Variants in PKHD1L1 observed in about 807,000 individuals in gnomAD.
PKHD1L1 encodes PKHD1 like 1.
A neutral mutation model predicts 462.9 loss-of-function variants in PKHD1L1; 434 were observed. That is an observed-to-expected ratio of 0.94 (90% CI 0.87 to 1.02). The LOEUF is 1.02. PKHD1L1 is among the 50% of genes least tolerant of loss of function. The pLI is 0.00. For synonymous variants in PKHD1L1, 1,781 were observed against 1,750.0 expected (o/e 1.02, Z -0.44); for missense variants, 5,202 against 5,096.1 (o/e 1.02, Z -0.63).
chr8:109,420,393 A>G, intron 22 of PKHD1L1, 125 bp from the exon 23 acceptor site: 1 of 550,196 alleles, frequency 1.8e-6, no homozygotes, highest in Non-Finnish European at 3.0e-6. Context: ...TGTTGATATT[A>G]TTTGATGATT....
chr8:109,526,725 G>T (rs1457295), intron 76 of PKHD1L1, 59 bp from the exon 77 acceptor site: 252,560 of 1,353,644 alleles, frequency 0.19, 26,832 homozygotes, highest in Admixed American at 0.38. Context: ...AAATGGGAAC[G>T]GTATGAAAAC....
At chr8:109,396,252 G>C (rs968106191) in intron 11 of PKHD1L1, 115 bp downstream of exon 11, 14 of 762,978 alleles carry the variant, frequency 1.8e-5, no homozygotes, top group Non-Finnish European at 2.7e-5. Context: ...ATTGGAAGCT[G>C]AGTATTTTCA....
chr8:109,397,521 A>G (rs544522875), intron 11 of PKHD1L1, among the ~76,000 whole-genome samples: 2 of 145,812 alleles, frequency 1.4e-5, no homozygotes, highest in African/African-American at 4.9e-5. Context: ...CAAAAAAAGA[A>G]AGAAAAAAAA....
chr8:109,425,103 G>A lies in PKHD1L1; in HGVS notation c.2716G>A (p.Glu906Lys). The A allele has an allele frequency of 2.5e-6, 4 of 1,587,456 alleles. No homozygotes were observed. The highest frequency in any genetic ancestry group is 1.2e-5 in the South Asian group (1 of 85,768). The change falls in exon 24 of 78, where the codon GAG becomes AAG. Residue 906 changes from glutamate (E) to lysine (K), a missense_variant. By Grantham distance (56) the Glu-to-Lys change is moderately conservative. Around this residue, in one of 3 missense-constraint regions of PKHD1L1, gnomAD observed 4,497 missense variants for 4,336.8 expected, o/e 1.04. Coordinates refer to ENST00000378402, the MANE Select transcript of PKHD1L1 (RefSeq NM_177531.6). ...SFGQIITHET[E>K]NEFVYRGNNW... ...AAATTAGATAATCACACATGAGACAGAGAACGAGTTTGTCTACAGAGGAAA... is the reference window on the plus strand; with the variant it reads ...AAATTAGATAATCACACATGAGACAAAGAACGAGTTTGTCTACAGAGGAAA...
chr8:109,534,457 A>G lies in PKHD1L1; in HGVS notation c.*4367A>G, dbSNP rs562031093. ...CAGCCTGGGTGACAGAGCGAGACAC[A>G]TCTCAAAAAAAAAAACCCAAAAAAC... is the stretch of plus-strand genomic sequence containing the variant. On this transcript the variant is annotated 3_prime_UTR_variant, in exon 78 of 78. Coordinates refer to ENST00000378402, the MANE Select transcript of PKHD1L1 (RefSeq NM_177531.6). Among the ~76,000 whole-genome samples, 3 of 151,940 alleles carry G rather than the reference A, an allele frequency of 2.0e-5. No homozygotes were observed. In the East Asian group the frequency reaches 5.8e-4, roughly 29 times the overall value.
At chr8:109,388,647 G>A (rs1812555171) in intron 7 of PKHD1L1, 97 bp downstream of exon 7, 1 of 815,156 alleles carries the variant, frequency 1.2e-6, no homozygotes, top group African/African-American at 1.8e-5. Context: ...ATAGCTAAAT[G>A]GTTTATAATA....
In PKHD1L1 at chr8:109,527,015, C is replaced by CT. The variant is rs767261935; in HGVS notation, c.12719dup (p.Leu4240PhefsTer12). On this transcript the variant is annotated frameshift_variant, in exon 77 of 78. Coordinates refer to ENST00000378402, the MANE Select transcript of PKHD1L1 (RefSeq NM_177531.6). LOFTEE classifies it high-confidence loss of function. ...GCTGCAGTTTCAACTTTGAATATAA[C>CT]TTTAAGTAAGTACAGTCCATTAATA... 5 of 1,601,612 alleles carry CT rather than the reference C, an allele frequency of 3.1e-6. No homozygotes were observed. Among genetic ancestry groups the CT allele is most frequent in the Middle Eastern group, 1.7e-4 (1 of 6,050 alleles).
chr8:109,477,318 G>C lies in PKHD1L1; in HGVS notation c.9011G>C (p.Cys3004Ser). The change falls in exon 53 of 78, where the codon TGT becomes TCT. Residue 3004 changes from cysteine (C) to serine (S), a missense_variant. By Grantham distance (112) the Cys-to-Ser change is moderately radical (BLOSUM62 -1). Around this residue, in one of 3 missense-constraint regions of PKHD1L1, gnomAD observed 4,497 missense variants for 4,336.8 expected, o/e 1.04. Transcript: ENST00000378402. ...GTTGTTATTAATTTCCAAGCTTACT[G>C]TTGTATTCTCCAGGATTGCTTTCCT... ...KDVVINFQAY[C>S]CILQDCFPVH... The C allele has an allele frequency of 6.2e-7, 1 of 1,613,518 alleles. No individual in the cohort carries two copies. The highest frequency in any genetic ancestry group is 1.3e-5 in the African/African-American group (1 of 75,012).
In PKHD1L1 at chr8:109,535,805, T is replaced by C. The variant is rs72669131; in HGVS notation, c.*5715T>C. ...AGCAGATCATTTTGATATCCAGATG[T>C]GCTGAAATGATGGACACTGAGAAGA... On this transcript the variant is annotated 3_prime_UTR_variant, in exon 78 of 78. Transcript: ENST00000378402. Among the ~76,000 whole-genome samples, 26,288 of 152,162 alleles carry C rather than the reference T, an allele frequency of 0.17. 2,486 individuals are homozygous for C. Among genetic ancestry groups the C allele is most frequent in the South Asian group, 0.37 (1,776 of 4,828 alleles).
intron 46 of PKHD1L1, among the ~76,000 whole-genome samples, chr8:109,458,604 A>G (rs927574695): frequency 1.4e-4 from 22 of 152,252 alleles, no homozygotes; most frequent in Non-Finnish European, 3.2e-4. Flanking sequence ...AGAATGCAGA[A>G]GTAGGGTTGG....
intron 27 of PKHD1L1, among the ~76,000 whole-genome samples, chr8:109,432,759 C>T (rs1815184054): frequency 6.6e-6 from 1 of 152,164 alleles, no homozygotes; most frequent in Admixed American, 6.5e-5. Flanking sequence ...AATGGCAAGT[C>T]CATCATATAC....
Position 109,452,848 on chromosome 8 carries a change from C to T in PKHD1L1, c.6638C>T (p.Pro2213Leu). 6.7e-7 allele frequency: 1 copy of T among 1,488,156 alleles called. No individual in the cohort carries two copies. Among genetic ancestry groups the T allele is most frequent in the Non-Finnish European group, 8.9e-7 (1 of 1,118,862 alleles). 92.2% of individuals were successfully genotyped at this position (1,488,156 alleles called of 1,614,324 possible). Residue 2213 changes from proline (P) to leucine (L), a missense_variant, in exon 43 of 78, where the codon CCT (proline) becomes CTT (leucine). Coordinates refer to ENST00000378402, the MANE Select transcript of PKHD1L1 (RefSeq NM_177531.6). The part of the protein sequence containing the change: ...GQTILLDQST[P>L]ILKMLLIQGG... The stretch of plus-strand genomic sequence containing the variant: ...ACCATTCTGCTGGATCAAAGCACCC[C>T]TATTTTGAAAATGTTGCTTATTCAG...
At chr8:109,388,401 A>C in intron 6 of PKHD1L1, 96 bp from the exon 7 acceptor site, 1 of 874,354 alleles carries the variant, frequency 1.1e-6, no homozygotes, top group East Asian at 2.7e-5. Flanking sequence ...TTGAGAAAAA[A>C]AATTTAAGGG....
rs183220493 is a variant in PKHD1L1, at chr8:109,405,220, G to A, written c.1669+90G>A. ...TGCTGTAGTCAAATTACACTGTCTGGAAAATATAGTTTTGATGATATGCTA... is the reference window on the plus strand; with the variant it reads ...TGCTGTAGTCAAATTACACTGTCTGAAAAATATAGTTTTGATGATATGCTA... On this transcript the variant is annotated intron_variant, in intron 16 of 77. Coordinates refer to ENST00000378402, the MANE Select transcript of PKHD1L1 (RefSeq NM_177531.6). The A allele has an allele frequency of 7.4e-3, 5,884 of 799,018 alleles. 39 individuals carry two copies. The highest frequency in any genetic ancestry group is 0.033 in the Middle Eastern group (82 of 2,476). The allele number at this position is 799,018 out of a possible 1,614,324, so 49.5% of individuals were successfully genotyped here.
chr8:109,416,160 A>G (rs1234890290), intron 21 of PKHD1L1, among the ~76,000 whole-genome samples: 2 of 152,202 alleles, frequency 1.3e-5, no homozygotes, highest in Non-Finnish European at 2.9e-5. Context: ...TAAGCTTTTC[A>G]AAGGATTCTT....
At chr8:109,386,982 A>G (rs1190021363) in intron 6 of PKHD1L1, among the ~76,000 whole-genome samples, 2 of 152,152 alleles carry the variant, frequency 1.3e-5, no homozygotes, top group African/African-American at 2.4e-5. Flanking sequence ...CTGAGCTATT[A>G]TATGTAAATA....
chr8:109,373,359 G>C (rs1159651983), intron 2 of PKHD1L1, among the ~76,000 whole-genome samples: 1 of 152,072 alleles, frequency 6.6e-6, no homozygotes, highest in Non-Finnish European at 1.5e-5. Context: ...TATCTCCTTT[G>C]TAATTTTTTA....
intron 12 of PKHD1L1, among the ~76,000 whole-genome samples, chr8:109,399,471 G>C (rs1393089458): frequency 2.0e-5 from 3 of 151,976 alleles, no homozygotes; most frequent in African/African-American, 4.8e-5. Flanking sequence ...TTAATCACAG[G>C]GTTTATTCTG....
intron 2 of PKHD1L1, among the ~76,000 whole-genome samples, chr8:109,368,632 T>C (rs1811344065): frequency 6.6e-6 from 1 of 152,230 alleles, no homozygotes; most frequent in African/African-American, 2.4e-5. Flanking sequence ...CTACAACTTT[T>C]AAGTAGGTGA....
Sources: allele counts gnomAD v4.1 joint callset (sites outside exome capture counted in the v4.1 genomes callset), GRCh38; gene constraint gnomAD v4.1.1; regional missense constraint gnomAD v4.1.1; transcripts MANE v1.5; gene names NCBI Gene and HGNC (gene_info 2026-07-23, HGNC 2026-07-21).